The following EPB41L3 variants were observed in gnomAD, a reference collection of about 807,000 sequenced individuals.
The protein encoded by EPB41L3 is erythrocyte membrane protein band 4.1 like 3.
EPB41L3 carries 57 observed loss-of-function variants against 127.1 expected under a neutral mutation model. That is an observed-to-expected ratio of 0.45 (90% CI 0.36 to 0.56). EPB41L3 has a LOEUF of 0.56. Among genes scored for constraint, EPB41L3 ranks in the 20% least tolerant of loss-of-function variants. The probability of loss-of-function intolerance (pLI) is 0.00; values close to 1 mark genes in which losing one functional copy is unlikely to be tolerated. For synonymous variants in EPB41L3, 572 were observed against 549.5 expected, an observed-to-expected ratio of 1.04 and a Z score of -0.57; for missense variants, 1,273 against 1,372.2, an observed-to-expected ratio of 0.93 and a Z score of 1.14.
chr18:5,539,991 C>G (rs1422819957), intron 1 of EPB41L3, among the ~76,000 whole-genome samples: 1 of 152,228 alleles, frequency 6.6e-6, no homozygotes, highest in African/African-American at 2.4e-5. Context: ...GAGAACATTG[C>G]CTACCCAATA....
upstream of EPB41L3, among the ~76,000 whole-genome samples, chr18:5,546,299 G>C (rs930654756): frequency 1.3e-5 from 2 of 152,162 alleles, no homozygotes; most frequent in Non-Finnish European, 2.9e-5. Context: ...TTGGGAGGCT[G>C]AGGCCGGTGG....
chr18:5,571,279 G>T (rs2094277077), intron 3 of EPB41L3, among the ~76,000 whole-genome samples: 1 of 152,198 alleles, frequency 6.6e-6, no homozygotes, highest in East Asian at 1.9e-4. Flanking sequence ...CTGCCTATTA[G>T]AAAATTATTC....
intron 3 of EPB41L3, among the ~76,000 whole-genome samples, chr18:5,458,988 A>C (rs1417322692): frequency 1.3e-5 from 2 of 152,186 alleles, no homozygotes; most frequent in Non-Finnish European, 1.5e-5. Flanking sequence ...AAAATGGCCT[A>C]GATCCAAATT....
intron 12 of EPB41L3, among the ~76,000 whole-genome samples, chr18:5,416,876 A>G (rs755657832): frequency 1.3e-5 from 2 of 152,132 alleles, no homozygotes; most frequent in Non-Finnish European, 2.9e-5. Context: ...AATCTCTAGC[A>G]TTAGTCCTTT....
At chr18:5,428,165 G>T in intron 9 of EPB41L3, 148 bp downstream of exon 9, 1 of 813,338 alleles carries the variant, frequency 1.2e-6, no homozygotes, top group Non-Finnish European at 2.0e-6. Context: ...ACTGTTTATT[G>T]GGCAAACCTA....
At chr18:5,628,603 C>T (rs968935149) in intron 1 of EPB41L3, among the ~76,000 whole-genome samples, 6 of 152,242 alleles carry the variant, frequency 3.9e-5, no homozygotes, top group African/African-American at 7.2e-5. Flanking sequence ...GAGGATTTCG[C>T]CTCCAGCACC....
At chr18:5,570,602 T>G (rs1415465137) in intron 3 of EPB41L3, among the ~76,000 whole-genome samples, 1 of 152,102 alleles carries the variant, frequency 6.6e-6, no homozygotes, top group East Asian at 1.9e-4. Flanking sequence ...TTTACTTTAT[T>G]TAATTTTATT....
At chr18:5,617,400 G>A (rs1261458162) in intron 1 of EPB41L3, among the ~76,000 whole-genome samples, 1 of 150,750 alleles carries the variant, frequency 6.6e-6, no homozygotes. Context: ...CTCACTGCAA[G>A]CTCCGCCTCC....
intron 1 of EPB41L3, among the ~76,000 whole-genome samples, chr18:5,500,778 C>T (rs2091673919): frequency 6.6e-6 from 1 of 152,200 alleles, no homozygotes; most frequent in South Asian, 2.1e-4. Context: ...TTCTGCATCT[C>T]ATGAATGTAA....
Position 5,415,989 on chromosome 18 carries a change from A to T in EPB41L3, c.1896T>A (p.Leu632=), listed in dbSNP as rs1418118946. 3 of 1,614,136 alleles carry T rather than the reference A, an allele frequency of 1.9e-6. No homozygotes were observed. In the South Asian group the frequency reaches 3.3e-5, roughly 18 times the overall value. Residue 632 remains leucine (L), a synonymous_variant, in exon 13 of 23, where the codon CTT becomes CTA. Coordinates refer to ENST00000341928, the MANE Select transcript of EPB41L3 (RefSeq NM_012307.5). ...QHYLPIRSPS[L]VPCFLFIFFF... The stretch of plus-strand genomic sequence containing the variant: ...AAAAGATGAAGAGGAAACAGGGCAC[A>T]AGGGACGGTGAGCGGATCGGGAGGT...
chr18:5,575,394 C>A (rs1226998505), intron 3 of EPB41L3, among the ~76,000 whole-genome samples: 1 of 152,032 alleles, frequency 6.6e-6, no homozygotes, highest in Non-Finnish European at 1.5e-5. Flanking sequence ...TGAATTCTCG[C>A]CCCTGTTTGT....
chr18:5,541,277 A>AG (rs2093723466), intron 1 of EPB41L3, among the ~76,000 whole-genome samples: 3 of 149,000 alleles, frequency 2.0e-5, no homozygotes, highest in African/African-American at 7.4e-5. Context: ...AAAAAAAAAA[A>AG]GTCTCTCTCT....
At chr18:5,620,366 A>C (rs2094846802) in intron 1 of EPB41L3, among the ~76,000 whole-genome samples, 1 of 152,234 alleles carries the variant, frequency 6.6e-6, no homozygotes, top group Non-Finnish European at 1.5e-5. Context: ...ATACACGTGG[A>C]GTAACCTGAA....
In EPB41L3 at chr18:5,625,945, T is replaced by C. The variant is rs74902324; in HGVS notation, c.-468+2977A>G. Among the ~76,000 whole-genome samples the C allele has an allele frequency of 4.5e-4, 58 of 129,596 alleles. 1 individual carries two copies. The highest frequency in any genetic ancestry group is 3.9e-3 in the Admixed American group (53 of 13,566). 85.0% of individuals were successfully genotyped at this position (129,596 alleles called of 152,430 possible). A position where few individuals can be genotyped will look rare whatever the true frequency, so the allele number is the denominator to read the frequency against. On this transcript the variant is annotated intron_variant, in intron 1 of 21. Coordinates refer to the EPB41L3 transcript ENST00000545076. ...GTCCCCAATGTAAGTTCTACCATGC[T>C]TTTTTTTTTTTGTCCATTCATGTCT...
intron 3 of EPB41L3, among the ~76,000 whole-genome samples, chr18:5,449,470 C>T (rs1481203520): frequency 6.6e-6 from 1 of 152,176 alleles, no homozygotes; most frequent in African/African-American, 2.4e-5. Context: ...CAATCATGCT[C>T]CTTGGTATCT....
At chr18:5,578,556 A>G (rs1159848016) in intron 3 of EPB41L3, among the ~76,000 whole-genome samples, 2 of 152,220 alleles carry the variant, frequency 1.3e-5, no homozygotes, top group East Asian at 1.9e-4. Flanking sequence ...CTGCAAACCA[A>G]TAAGAAGATG....
chr18:5,400,916 C>T (rs2074394653), intron 16 of EPB41L3: 1 of 1,124,932 alleles, frequency 8.9e-7, no homozygotes, highest in African/African-American at 1.5e-5. Context: ...TTTAATGACA[C>T]TGAAGTCTGA....
intron 3 of EPB41L3, among the ~76,000 whole-genome samples, chr18:5,594,935 A>G (rs2094522373): frequency 6.6e-6 from 1 of 152,240 alleles, no homozygotes; most frequent in South Asian, 2.1e-4. Context: ...ATTAATAAAA[A>G]TCTTGTTAAA....
intron 11 of EPB41L3, 133 bp downstream of exon 11, chr18:5,423,245 T>G: frequency 2.2e-6 from 2 of 897,462 alleles, no homozygotes; most frequent in East Asian, 3.2e-5. Flanking sequence ...AATGTGCCAT[T>G]CAGTCAATAA....
Sources: allele counts gnomAD v4.1 joint callset (sites outside exome capture counted in the v4.1 genomes callset), GRCh38; gene constraint gnomAD v4.1.1; transcripts MANE v1.5; gene names NCBI Gene and HGNC (gene_info 2026-07-23, HGNC 2026-07-21).